The following CADM2 variants were observed in gnomAD, a reference collection of about 807,000 sequenced individuals.
CADM2 encodes immunoglobulin superfamily member 4D.
Under a neutral mutation model 49.8 loss-of-function variants are expected in CADM2, and 12 were observed. The observed-to-expected ratio is 0.24, with a 90% CI of 0.15 to 0.39. CADM2 has a LOEUF of 0.39. Ranked by LOEUF, CADM2 falls within the 10% of genes least tolerant of loss-of-function variation. CADM2 has a pLI of 1.00. For synonymous variants in CADM2, 214 were observed against 175.4 expected, an observed-to-expected ratio of 1.22 and a Z score of -1.74; for missense variants, 378 against 492.3, an observed-to-expected ratio of 0.77 and a Z score of 2.20.
chr3:86,015,197 T>G (rs1732061307), intron 8 of CADM2: 1 of 338,974 alleles, frequency 3.0e-6, no homozygotes, highest in Admixed American at 4.9e-5. Flanking sequence ...AACCTCTTAA[T>G]CACTAAATGT....
intron 8 of CADM2, among the ~76,000 whole-genome samples, chr3:85,976,305 A>G (rs1447763403): frequency 6.6e-6 from 1 of 151,556 alleles, no homozygotes; most frequent in Non-Finnish European, 1.5e-5. Flanking sequence ...TGAAGACCTG[A>G]TTGTCTAGTG....
At chr3:85,823,077 A>AG (rs2073691520) in intron 3 of CADM2, among the ~76,000 whole-genome samples, 1 of 152,120 alleles carries the variant, frequency 6.6e-6, no homozygotes, top group Non-Finnish European at 1.5e-5. Flanking sequence ...ACATATTTAA[A>AG]ACTTTGGAAT....
At chr3:85,275,639 C>T (rs572108465) in intron 1 of CADM2, among the ~76,000 whole-genome samples, 1 of 151,166 alleles carries the variant, frequency 6.6e-6, no homozygotes, top group Non-Finnish European at 1.5e-5. Context: ...CTGGCTTCTG[C>T]TCTCAAATTG....
At chr3:85,784,743 T>G (rs1258519820) in intron 2 of CADM2, among the ~76,000 whole-genome samples, 1 of 152,170 alleles carries the variant, frequency 6.6e-6, no homozygotes, top group Non-Finnish European at 1.5e-5. Context: ...GCCTGTAGTT[T>G]TTGCCTTTGT....
chr3:85,163,219 G>A (rs760004666), intron 1 of CADM2, among the ~76,000 whole-genome samples: 2 of 152,080 alleles, frequency 1.3e-5, no homozygotes, highest in African/African-American at 2.4e-5. Context: ...TCTAGTCCAT[G>A]TAGACTGAAT....
chr3:85,360,245 C>T (rs763302421), intron 1 of CADM2, among the ~76,000 whole-genome samples: 3 of 152,032 alleles, frequency 2.0e-5, no homozygotes, highest in Non-Finnish European at 4.4e-5. Context: ...TCTCACAAAG[C>T]TTAGGACTTA....
At chr3:86,033,732 G>A (rs1435433329) in intron 8 of CADM2, among the ~76,000 whole-genome samples, 1 of 143,694 alleles carries the variant, frequency 7.0e-6, no homozygotes, top group African/African-American at 2.5e-5. Context: ...AACTTGAAGT[G>A]GATCAGAAGC....
intron 3 of CADM2, among the ~76,000 whole-genome samples, chr3:85,878,294 T>C (rs941323866): frequency 2.6e-5 from 4 of 152,096 alleles, no homozygotes; most frequent in African/African-American, 9.7e-5. Context: ...TTTTACCTCA[T>C]AGAGGACTGA....
chr3:85,408,180 A>G (rs1020781681), intron 1 of CADM2, among the ~76,000 whole-genome samples: 8 of 152,176 alleles, frequency 5.3e-5, no homozygotes, highest in African/African-American at 1.9e-4. Context: ...AAGAGTGGAT[A>G]ATAGTTCAGC....
At chr3:85,659,941 A>G (rs2107606683) in intron 1 of CADM2, among the ~76,000 whole-genome samples, 1 of 152,286 alleles carries the variant, frequency 6.6e-6, no homozygotes, top group South Asian at 2.1e-4. Flanking sequence ...AAAAAAATGA[A>G]TTAAAATGTC....
At chr3:85,998,338 A>G (rs1277247954) in intron 8 of CADM2, among the ~76,000 whole-genome samples, 1 of 152,150 alleles carries the variant, frequency 6.6e-6, no homozygotes, top group Non-Finnish European at 1.5e-5. Flanking sequence ...CGTAGTTACA[A>G]TTTTGTCCTC....
intron 1 of CADM2, among the ~76,000 whole-genome samples, chr3:85,626,192 T>C (rs895940464): frequency 1.3e-5 from 2 of 152,030 alleles, no homozygotes; most frequent in Non-Finnish European, 2.9e-5. Flanking sequence ...GTGTGCTTTC[T>C]AGTTAAATTG....
chr3:85,314,285 A>G (rs1043132853), intron 1 of CADM2, among the ~76,000 whole-genome samples: 3 of 152,172 alleles, frequency 2.0e-5, no homozygotes, highest in Non-Finnish European at 4.4e-5. Context: ...ATTTTTATTA[A>G]TGTACATATA....
chr3:85,004,126 A>G (rs2033608295), intron 1 of CADM2, among the ~76,000 whole-genome samples: 1 of 152,170 alleles, frequency 6.6e-6, no homozygotes, highest in African/African-American at 2.4e-5. Context: ...GATTGCTGAT[A>G]ATAATGACAA....
At chr3:85,819,382 A>G (rs1478438314) in intron 3 of CADM2, among the ~76,000 whole-genome samples, 2 of 152,240 alleles carry the variant, frequency 1.3e-5, no homozygotes, top group African/African-American at 2.4e-5. Flanking sequence ...GCATCCTTCA[A>G]TCCAATCAGG....
intron 1 of CADM2, among the ~76,000 whole-genome samples, chr3:85,488,623 C>T (rs1169654734): frequency 6.6e-6 from 1 of 152,064 alleles, no homozygotes; most frequent in Non-Finnish European, 1.5e-5. Context: ...CCTCCGACTC[C>T]CTGGTTCAAG....
chr3:85,195,247 T>C (rs2041313346), intron 1 of CADM2, among the ~76,000 whole-genome samples: 1 of 152,102 alleles, frequency 6.6e-6, no homozygotes, highest in African/African-American at 2.4e-5. Flanking sequence ...GTTATATAAG[T>C]TATTTAATTT....
At chr3:85,858,665 T>C (rs1004144208) in intron 3 of CADM2, among the ~76,000 whole-genome samples, 3 of 152,232 alleles carry the variant, frequency 2.0e-5, no homozygotes, top group Non-Finnish European at 2.9e-5. Context: ...GTACGTGAGT[T>C]GAATACAATT....
At chr3:85,906,744 A>G (rs1189248618) in intron 5 of CADM2, among the ~76,000 whole-genome samples, 1 of 152,210 alleles carries the variant, frequency 6.6e-6, no homozygotes, top group Admixed American at 6.5e-5. Flanking sequence ...TTAAAGTTAT[A>G]CAATGTAAAA....
Sources: gnomAD v4.1 joint callset for allele counts (sites outside exome capture counted in the v4.1 genomes callset) on GRCh38, gnomAD v4.1.1 for gene constraint, MANE v1.5 for transcripts, NCBI Gene and HGNC (gene_info 2026-07-23, HGNC 2026-07-21) for gene names.